Variants in CNTN1 observed in about 807,000 individuals in gnomAD.
CNTN1 encodes contactin 1.
A neutral mutation model predicts 126.4 loss-of-function variants in CNTN1; 38 were observed. The observed-to-expected ratio is 0.30, with a 90% CI of 0.23 to 0.39. The LOEUF (loss-of-function observed/expected upper bound fraction) is 0.39, where lower values mean the gene tolerates loss of function less well. CNTN1 is among the 10% of genes least tolerant of loss of function. The pLI is 1.00. For missense variants in CNTN1, 1,009 were observed against 1,248.4 expected (o/e 0.81, Z 2.89); for synonymous variants, 413 against 422.6 (o/e 0.98, Z 0.28).
intron 17 of CNTN1, among the ~76,000 whole-genome samples, chr12:41,001,325 T>C (rs1291940570): frequency 2.6e-5 from 4 of 152,312 alleles, no homozygotes; most frequent in South Asian, 4.1e-4. Flanking sequence ...TATCTCATTA[T>C]GGTTTTGATT....
intron 1 of CNTN1, among the ~76,000 whole-genome samples, chr12:40,844,953 G>C (rs1024431456): frequency 1.3e-5 from 2 of 152,062 alleles, no homozygotes; most frequent in African/African-American, 4.8e-5. Context: ...AGAAAATAAA[G>C]GAAATTTCAA....
intron 17 of CNTN1, among the ~76,000 whole-genome samples, chr12:40,998,209 A>T (rs1948269761): frequency 6.6e-6 from 1 of 152,136 alleles, no homozygotes; most frequent in Non-Finnish European, 1.5e-5. Context: ...ATACTGATGA[A>T]AGAAGAAAGC....
intron 1 of CNTN1, among the ~76,000 whole-genome samples, chr12:40,873,338 G>C (rs1943569853): frequency 6.6e-6 from 1 of 151,978 alleles, no homozygotes; most frequent in Admixed American, 6.6e-5. Context: ...ATGAAATATG[G>C]TGTATTATAA....
chr12:40,855,879 G>A (rs1216280020), intron 1 of CNTN1, among the ~76,000 whole-genome samples: 1 of 152,060 alleles, frequency 6.6e-6, no homozygotes, highest in Non-Finnish European at 1.5e-5. Context: ...TAATTTTGTT[G>A]AATGCAAAGA....
intron 15 of CNTN1, among the ~76,000 whole-genome samples, chr12:40,967,960 C>T: frequency 6.7e-6 from 1 of 150,226 alleles, no homozygotes; most frequent in East Asian, 2.0e-4. Flanking sequence ...TATTATATGT[C>T]ATATAACATG....
chr12:40,767,914 G>A (rs543194477), intron 1 of CNTN1, among the ~76,000 whole-genome samples: 21 of 151,888 alleles, frequency 1.4e-4, no homozygotes, highest in Non-Finnish European at 2.8e-4. Context: ...TTAATACTTT[G>A]TATTCCCAAA....
At position 40,980,985 on chromosome 12, in the gene CNTN1, T is replaced by C. The variant is rs575576934; in HGVS notation, c.1881T>C (p.Gly627=). The change falls in exon 16 of 24, where the codon GGT becomes GGC. Residue 627 remains glycine (G), a synonymous_variant. Coordinates refer to ENST00000551295, the MANE Select transcript of CNTN1 (RefSeq NM_001843.4). ...ATSVALTWSR[G]SDNHSPISKY... is the part of the protein sequence containing the mutation. ...CTGTGGCACTTACTTGGAGCCGTGG[T>C]TCAGACAATCATAGTCCTATTTCTA... 2 of 1,613,902 alleles carry C rather than the reference T, an allele frequency of 1.2e-6. No homozygotes were observed. The highest frequency in any genetic ancestry group is 4.5e-5 in the East Asian group (2 of 44,866).
intron 23 of CNTN1, among the ~76,000 whole-genome samples, chr12:41,059,630 T>A (rs1236385300): frequency 6.6e-6 from 1 of 152,202 alleles, no homozygotes; most frequent in Non-Finnish European, 1.5e-5. Flanking sequence ...CAAATAATGA[T>A]ACATACTTTA....
chr12:40,693,081 G>A (rs186719527), intron 1 of CNTN1, among the ~76,000 whole-genome samples: 300 of 152,350 alleles, frequency 2.0e-3, no homozygotes, highest in Admixed American at 2.6e-3. Context: ...CGGTTGCGGA[G>A]AGGGGAGGAA....
intron 1 of CNTN1, among the ~76,000 whole-genome samples, chr12:40,905,850 T>C (rs1004974351): frequency 2.0e-5 from 3 of 152,228 alleles, no homozygotes; most frequent in African/African-American, 4.8e-5. Flanking sequence ...AAAGTTTAGA[T>C]AGGCATAACC....
chr12:41,052,017 C>A (rs1239781460), intron 23 of CNTN1, among the ~76,000 whole-genome samples: 1 of 151,842 alleles, frequency 6.6e-6, no homozygotes, highest in Non-Finnish European at 1.5e-5. Context: ...AAATAGCAGA[C>A]TCACTCTCCA....
At chr12:41,058,565 C>A (rs907738194) in intron 23 of CNTN1, among the ~76,000 whole-genome samples, 9 of 152,012 alleles carry the variant, frequency 5.9e-5, no homozygotes, top group African/African-American at 2.2e-4. Flanking sequence ...TAAACTCCTG[C>A]AAAAGTGATG....
intron 1 of CNTN1, among the ~76,000 whole-genome samples, chr12:40,881,184 A>G (rs907564260): frequency 1.3e-5 from 2 of 151,956 alleles, no homozygotes; most frequent in Non-Finnish European, 2.9e-5. Context: ...GCAATGCAGA[A>G]GTTTTGTAAA....
At chr12:40,902,602 G>A (rs1373068129) in intron 1 of CNTN1, among the ~76,000 whole-genome samples, 2 of 152,004 alleles carry the variant, frequency 1.3e-5, no homozygotes, top group Non-Finnish European at 2.9e-5. Context: ...AAAGTGATAT[G>A]ACCATTTGCT....
At chr12:40,850,107 G>A (rs1347864868) in intron 1 of CNTN1, among the ~76,000 whole-genome samples, 2 of 151,998 alleles carry the variant, frequency 1.3e-5, no homozygotes, top group Admixed American at 1.3e-4. Context: ...TGCTTGTTGA[G>A]TCAATTCTAT....
At chr12:40,915,607 G>T (rs377297220) in intron 3 of CNTN1, among the ~76,000 whole-genome samples, 1 of 152,042 alleles carries the variant, frequency 6.6e-6, no homozygotes, top group Non-Finnish European at 1.5e-5. Flanking sequence ...CCAATGTGCT[G>T]CTTGTAGAAT....
intron 15 of CNTN1, among the ~76,000 whole-genome samples, chr12:40,968,293 A>G (rs1337713714): frequency 6.6e-6 from 1 of 152,180 alleles, no homozygotes; most frequent in Non-Finnish European, 1.5e-5. Flanking sequence ...TTTCTTGGCA[A>G]TAAATGTTTA....
intron 1 of CNTN1, among the ~76,000 whole-genome samples, chr12:40,861,028 A>G (rs1030567371): frequency 6.6e-6 from 1 of 152,172 alleles, no homozygotes; most frequent in Non-Finnish European, 1.5e-5. Context: ...ACAAAGACCA[A>G]ATATCTATGT....
At chr12:40,827,099 T>C (rs1433231514) in intron 1 of CNTN1, among the ~76,000 whole-genome samples, 1 of 152,186 alleles carries the variant, frequency 6.6e-6, no homozygotes, top group Non-Finnish European at 1.5e-5. Flanking sequence ...CAAATACTGT[T>C]ACGACATTTT....
Sources: allele counts gnomAD v4.1 joint callset (sites outside exome capture counted in the v4.1 genomes callset), GRCh38; gene constraint gnomAD v4.1.1; transcripts MANE v1.5; gene names NCBI Gene and HGNC (gene_info 2026-07-23, HGNC 2026-07-21).